Variants in VWA8 observed in about 807,000 individuals in gnomAD.
VWA8 encodes von Willebrand factor A domain containing 8.
A neutral mutation model predicts 241.5 loss-of-function variants in VWA8; 221 were observed. The ratio of observed to expected loss-of-function variants is 0.91; its 90% confidence interval spans 0.82 to 1.02. The LOEUF is 1.02. Ranked by LOEUF, VWA8 falls within the 50% of genes least tolerant of loss-of-function variation. The pLI is 0.00. For missense variants in VWA8, 2,322 were observed against 2,328.7 expected (o/e 1.00, Z 0.06); for synonymous variants, 852 against 827.1 (o/e 1.03, Z -0.52).
Position 41,570,486 on chromosome 13 carries a change from A to C in VWA8, c.5591T>G (p.Leu1864Ter). Reference protein sequence around the residue: ...VNAFAIFIGSLGDQATRLQRT... With the variant: ...VNAFAIFIGS The stretch of plus-strand genomic sequence containing the variant: ...CACTTACCTGGTTGCTTGATCACCT[A>C]AAGAGCCAATAAAAATGGCAAAAGC... Residue 1864 changes from leucine to a stop codon, truncating the protein, a stop_gained, in exon 44 of 45, where the codon TTA becomes TGA. Coordinates refer to ENST00000379310, the MANE Select transcript of VWA8 (RefSeq NM_015058.2). LOFTEE classifies it high-confidence loss of function. The C allele has an allele frequency of 6.2e-7, 1 of 1,614,136 alleles. No individual in the cohort carries two copies. The highest frequency in any genetic ancestry group is 8.5e-7 in the Non-Finnish European group (1 of 1,180,004).
At chr13:41,574,538 C>T (rs2044338747) in intron 43 of VWA8, among the ~76,000 whole-genome samples, 1 of 152,122 alleles carries the variant, frequency 6.6e-6, no homozygotes, top group Non-Finnish European at 1.5e-5. Flanking sequence ...CATCAAAATA[C>T]CATCATTATT....
At chr13:41,869,656 AAAAAG>A in intron 9 of VWA8, among the ~76,000 whole-genome samples, 1 of 150,144 alleles carries the variant, frequency 6.7e-6, no homozygotes, top group African/African-American at 2.4e-5. Flanking sequence ...AAAAAAAAAA[AAAAAG>A]GCTAGAACCA....
intron 37 of VWA8, among the ~76,000 whole-genome samples, chr13:41,658,780 G>A (rs1223107245): frequency 6.6e-6 from 1 of 152,226 alleles, no homozygotes; most frequent in Non-Finnish European, 1.5e-5. Context: ...TTGAGTGGAA[G>A]CAGAGAGCAT....
At chr13:41,634,213 G>A (rs1015159852) in intron 37 of VWA8, among the ~76,000 whole-genome samples, 1 of 152,078 alleles carries the variant, frequency 6.6e-6, no homozygotes, top group African/African-American at 2.4e-5. Context: ...GGGTGAGTAG[G>A]GTGGCACCAG....
At chr13:41,737,876 T>A (rs1354790191) in intron 21 of VWA8, among the ~76,000 whole-genome samples, 1 of 146,524 alleles carries the variant, frequency 6.8e-6, no homozygotes. Context: ...AAACTGTCAA[T>A]GTAAAATTAA....
chr13:41,654,806 C>T (rs550371535), intron 37 of VWA8, among the ~76,000 whole-genome samples: 2 of 152,262 alleles, frequency 1.3e-5, no homozygotes, highest in South Asian at 4.1e-4. Context: ...GAGGGATGTT[C>T]TACAAAATCA....
chr13:41,601,021 C>G (rs554982719), intron 40 of VWA8, among the ~76,000 whole-genome samples: 49 of 152,240 alleles, frequency 3.2e-4, no homozygotes, highest in Middle Eastern at 6.8e-3. Flanking sequence ...GAAGATAGAA[C>G]CAGCTCTCAG....
chr13:41,573,486 A>AAAAAAAATAAATAAATAAATATATATAT, intron 43 of VWA8, among the ~76,000 whole-genome samples: 3 of 113,598 alleles, frequency 2.6e-5, no homozygotes, highest in Admixed American at 1.0e-4. Flanking sequence ...AAAAAAAAAA[A>AAAAAAAATAAATAAATAAATATATATAT]ATATATATAT....
chr13:41,799,221 C>T (rs1456888036), intron 17 of VWA8, among the ~76,000 whole-genome samples: 1 of 152,008 alleles, frequency 6.6e-6, no homozygotes. Context: ...TTACAATGAC[C>T]AAATATTCAG....
At chr13:41,911,781 A>G (rs566898634) in intron 3 of VWA8, among the ~76,000 whole-genome samples, 1 of 152,320 alleles carries the variant, frequency 6.6e-6, no homozygotes, top group Admixed American at 6.5e-5. Context: ...GCCTGAATTT[A>G]TATCTCTTTT....
At chr13:41,900,861 AT>A (rs1875392245) in intron 4 of VWA8, among the ~76,000 whole-genome samples, 1 of 152,188 alleles carries the variant, frequency 6.6e-6, no homozygotes, top group South Asian at 2.1e-4. Flanking sequence ...CAAGTTCTTC[AT>A]TTTAACACAT....
chr13:41,689,750 A>C (rs2045162963), intron 33 of VWA8, among the ~76,000 whole-genome samples: 1 of 152,124 alleles, frequency 6.6e-6, no homozygotes, highest in Middle Eastern at 3.2e-3. Flanking sequence ...TATTATAATT[A>C]ATAGCTCCCT....
intron 29 of VWA8, among the ~76,000 whole-genome samples, chr13:41,697,400 A>G (rs953882061): frequency 6.6e-6 from 1 of 152,104 alleles, no homozygotes; most frequent in Admixed American, 6.5e-5. Flanking sequence ...CCTTTTACTC[A>G]TAGTCAGGAC....
chr13:41,752,407 T>C (rs568334039), intron 21 of VWA8, among the ~76,000 whole-genome samples: 1 of 152,256 alleles, frequency 6.6e-6, no homozygotes, highest in Admixed American at 6.5e-5. Context: ...ACAATAACTG[T>C]ACCATAAATG....
At chr13:41,661,016 C>T (rs1323423547) in intron 37 of VWA8, among the ~76,000 whole-genome samples, 1 of 152,038 alleles carries the variant, frequency 6.6e-6, no homozygotes. Flanking sequence ...CAGGCGCATG[C>T]CACCACACCC....
At chr13:41,635,116 T>C (rs1015385776) in intron 37 of VWA8, among the ~76,000 whole-genome samples, 27 of 152,212 alleles carry the variant, frequency 1.8e-4, no homozygotes, top group African/African-American at 6.0e-4. Context: ...TGCTGATTGA[T>C]AATATTTTAT....
intron 9 of VWA8, among the ~76,000 whole-genome samples, chr13:41,877,865 A>G (rs981643348): frequency 2.0e-5 from 3 of 152,136 alleles, no homozygotes; most frequent in Non-Finnish European, 4.4e-5. Context: ...AAAGCTAGAA[A>G]GTATTTCATG....
chr13:41,922,934 G>C (rs1393317053), intron 2 of VWA8, among the ~76,000 whole-genome samples: 2 of 152,066 alleles, frequency 1.3e-5, no homozygotes, highest in African/African-American at 2.4e-5. Flanking sequence ...CCCATTACTG[G>C]GTATATACCC....
chr13:41,623,670 T>C (rs892349947), intron 37 of VWA8, among the ~76,000 whole-genome samples: 2 of 152,198 alleles, frequency 1.3e-5, no homozygotes, highest in Non-Finnish European at 2.9e-5. Flanking sequence ...CATTCACTCA[T>C]ACTCTTGTGC....
Sources: allele counts gnomAD v4.1 joint callset (sites outside exome capture counted in the v4.1 genomes callset), GRCh38; gene constraint gnomAD v4.1.1; transcripts MANE v1.5; gene names NCBI Gene and HGNC (gene_info 2026-07-23, HGNC 2026-07-21).